The following MRAP2 variants were observed in gnomAD, a reference collection of about 807,000 sequenced individuals.
MRAP2 encodes melanocortin-2 receptor accessory protein 2.
Under a neutral mutation model 17.4 loss-of-function variants are expected in MRAP2, and 20 were observed. The ratio of observed to expected loss-of-function variants is 1.15; its 90% CI spans 0.81 to 1.67. MRAP2 has a LOEUF of 1.67. Ranked by LOEUF, MRAP2 falls within the 40% of genes most tolerant of loss-of-function variation. MRAP2 has a pLI of 0.00. For missense variants in MRAP2, 238 were observed against 240.0 expected (o/e 0.99, Z 0.05); for synonymous variants, 96 against 88.4 (o/e 1.09, Z -0.48).
At position 84,089,574 on chromosome 6, in the gene MRAP2, GGA is replaced by G; in HGVS notation, c.*102_*103del. The G allele has an allele frequency of 7.1e-7, 1 of 1,416,376 alleles. No homozygotes were observed. Among genetic ancestry groups the G allele is most frequent in the Non-Finnish European group, 9.6e-7 (1 of 1,038,352 alleles). The allele number at this position is 1,416,376 out of a possible 1,614,324, so 87.7% of individuals were successfully genotyped here. On this transcript the variant is annotated 3_prime_UTR_variant, in exon 4 of 4. Coordinates refer to ENST00000257776, the MANE Select transcript of MRAP2 (RefSeq NM_138409.4). ...TCCACCAAAATTGTGTGTGTTTGGG[GGA>G]GAGAGAGACATAGAGATAGAGACAG...
chr6:84,136,870 G>T, the MRAP2 span, among the ~76,000 whole-genome samples: 1 of 152,180 alleles, frequency 6.6e-6, no homozygotes, highest in South Asian at 2.1e-4. Flanking sequence ...TTCTGTGTCT[G>T]TTCTCCCCTT....
At chr6:84,078,272 A>G (rs1376719323) in intron 3 of MRAP2, among the ~76,000 whole-genome samples, 1 of 152,228 alleles carries the variant, frequency 6.6e-6, no homozygotes, top group East Asian at 1.9e-4. Context: ...ATATATTATA[A>G]AACTTCCACA....
intron 2 of MRAP2, among the ~76,000 whole-genome samples, chr6:84,059,336 A>G (rs935853643): frequency 7.9e-5 from 12 of 152,206 alleles, no homozygotes; most frequent in Admixed American, 6.5e-4. Context: ...TAGTAGAGAC[A>G]AGTGTGGGAA....
chr6:84,077,392 G>A (rs989046830), intron 3 of MRAP2, among the ~76,000 whole-genome samples: 1 of 152,110 alleles, frequency 6.6e-6, no homozygotes, highest in Non-Finnish European at 1.5e-5. Flanking sequence ...AGTACATTGG[G>A]GGCTGTCACA....
chr6:84,072,559 C>T (rs914286811), intron 3 of MRAP2, among the ~76,000 whole-genome samples: 2 of 152,332 alleles, frequency 1.3e-5, no homozygotes, highest in African/African-American at 2.4e-5. Flanking sequence ...GGCCTCCTGC[C>T]GGGTCATGTT....
At chr6:84,049,214 C>G (rs2099489786) in intron 1 of MRAP2, among the ~76,000 whole-genome samples, 1 of 152,138 alleles carries the variant, frequency 6.6e-6, no homozygotes, top group African/African-American at 2.4e-5. Context: ...CGCCTGAGGT[C>G]AGGAGTTTGA....
At chr6:84,131,729 A>G in the MRAP2 span, among the ~76,000 whole-genome samples, 1 of 151,396 alleles carries the variant, frequency 6.6e-6, no homozygotes, top group South Asian at 2.1e-4. Context: ...TCTTGAGCCT[A>G]TGTGTGTCTC....
At chr6:84,043,808 T>G (rs868245054) in intron 1 of MRAP2, among the ~76,000 whole-genome samples, 1 of 152,184 alleles carries the variant, frequency 6.6e-6, no homozygotes, top group African/African-American at 2.4e-5. Context: ...CTTTCATGGT[T>G]AAGTAACAGT....
intron 3 of MRAP2, among the ~76,000 whole-genome samples, chr6:84,070,307 A>C (rs2129170344): frequency 6.6e-6 from 1 of 152,180 alleles, no homozygotes; most frequent in Non-Finnish European, 1.5e-5. Context: ...ATTGTGTTTC[A>C]GTTTGAAGAA....
the MRAP2 span, among the ~76,000 whole-genome samples, chr6:84,106,242 C>T: frequency 5.3e-5 from 8 of 152,170 alleles, no homozygotes; most frequent in Non-Finnish European, 1.0e-4. Context: ...TGGTCAGTAG[C>T]AGTGCTTTGT....
At chr6:84,111,998 T>C in the MRAP2 span, among the ~76,000 whole-genome samples, 34,239 of 152,132 alleles carry the variant, frequency 0.23, 8,198 homozygotes, top group African/African-American at 0.61. Flanking sequence ...CTGCTGGATT[T>C]GGTTTGTGAA....
At chr6:84,049,092 G>C (rs915149943) in intron 1 of MRAP2, among the ~76,000 whole-genome samples, 1 of 152,154 alleles carries the variant, frequency 6.6e-6, no homozygotes, top group Non-Finnish European at 1.5e-5. Flanking sequence ...AATGGGACTA[G>C]TCTGTGGAGT....
chr6:84,112,878 C>A, the MRAP2 span, among the ~76,000 whole-genome samples: 2 of 152,256 alleles, frequency 1.3e-5, no homozygotes, highest in East Asian at 3.9e-4. Flanking sequence ...CATTCAGGAG[C>A]AGTTGTTCAG....
chr6:84,072,200 A>G (rs2099496366), intron 3 of MRAP2, among the ~76,000 whole-genome samples: 3 of 152,142 alleles, frequency 2.0e-5, no homozygotes, highest in Admixed American at 1.3e-4. Flanking sequence ...TCATTTGGGT[A>G]GGCTCTGTCA....
At chr6:84,101,497 A>G in the MRAP2 span, among the ~76,000 whole-genome samples, 1 of 152,310 alleles carries the variant, frequency 6.6e-6, no homozygotes, top group Admixed American at 6.5e-5. Context: ...ACCTTGGGTA[A>G]TGGTTTCCCC....
intron 3 of MRAP2, among the ~76,000 whole-genome samples, chr6:84,072,922 C>T (rs1667584522): frequency 6.6e-6 from 1 of 152,166 alleles, no homozygotes; most frequent in African/African-American, 2.4e-5. Flanking sequence ...TCATTCCCAC[C>T]ATGTCCCCAC....
the MRAP2 span, among the ~76,000 whole-genome samples, chr6:84,144,602 A>G: frequency 1.3e-5 from 2 of 152,054 alleles, no homozygotes; most frequent in Non-Finnish European, 2.9e-5. Context: ...CAGGCTTCTG[A>G]TAACTTCAAG....
At chr6:84,135,069 G>GA in the MRAP2 span, among the ~76,000 whole-genome samples, 3 of 151,810 alleles carry the variant, frequency 2.0e-5, no homozygotes, top group Non-Finnish European at 4.4e-5. Context: ...CACAATATTT[G>GA]TATTTATTTA....
At chr6:84,142,427 T>C in the MRAP2 span, among the ~76,000 whole-genome samples, 2 of 152,212 alleles carry the variant, frequency 1.3e-5, no homozygotes, top group Non-Finnish European at 2.9e-5. Flanking sequence ...TATATACGTA[T>C]ACATTTTTTT....
Sources: allele counts gnomAD v4.1 joint callset (sites outside exome capture counted in the v4.1 genomes callset), GRCh38; gene constraint gnomAD v4.1.1; transcripts MANE v1.5; gene names NCBI Gene and HGNC (gene_info 2026-07-23, HGNC 2026-07-21).